KDM4B: variants seen among roughly 807,000 people sequenced by gnomAD.
KDM4B encodes lysine-specific demethylase 4B.
KDM4B carries 32 observed loss-of-function variants against 125.2 expected under a neutral mutation model. That is an observed-to-expected ratio of 0.26 (90% confidence interval 0.19 to 0.34). The LOEUF is 0.34. KDM4B is among the 10% of genes least tolerant of loss of function. The pLI is 1.00. For synonymous variants in KDM4B, 721 were observed against 677.9 expected (o/e 1.06, Z -0.99); for missense variants, 1,190 against 1,577.7 (o/e 0.75, Z 4.16).
intron 2 of KDM4B, among the ~76,000 whole-genome samples, chr19:5,019,081 CTGGTGTGGACGTTGGTGTGCAGGTGT>C (rs2035981802): frequency 4.2e-5 from 3 of 71,110 alleles, no homozygotes; most frequent in African/African-American, 1.3e-4. Context: ...TGTGCAGGTG[CTGGTGTGGACGTTGGTGTGCAGGTGT>C]TGGTGTGGGT....
intron 14 of KDM4B, among the ~76,000 whole-genome samples, 199 bp from the exon 15 acceptor site, chr19:5,135,140 G>A (rs778006567): frequency 6.6e-6 from 1 of 152,226 alleles, no homozygotes; most frequent in African/African-American, 2.4e-5. Context: ...TGGGGACAGG[G>A]TCAGACAGTG....
At chr19:5,086,258 A>C (rs2038492077) in intron 9 of KDM4B, among the ~76,000 whole-genome samples, 2 of 116,296 alleles carry the variant, frequency 1.7e-5, no homozygotes, top group African/African-American at 3.1e-5. Context: ...GTGAAAAGCC[A>C]CCCTCCTGCC....
At chr19:5,138,289 CA>C in intron 18 of KDM4B, 1 of 567,066 alleles carries the variant, frequency 1.8e-6, no homozygotes. Context: ...CAGAAGGCAT[CA>C]AGGGTGGCAG....
In KDM4B at chr19:5,119,044, G is replaced by A. The variant is rs1383877031; in HGVS notation, c.1116-609G>A. 14 of 861,384 alleles carry A rather than the reference G, an allele frequency of 1.6e-5. No individual in the cohort carries two copies. In the Admixed American group the frequency reaches 2.6e-4, roughly 16 times the overall value. The allele number at this position is 861,384 out of a possible 1,614,324, so 53.4% of individuals were successfully genotyped here. On this transcript the variant is annotated intron_variant, in intron 10 of 22. Transcript: ENST00000159111. ...ACCCAGGGAGTTGGGGACAGAGCCA[G>A]GTGGCCAGGACCAGGCGTCCTGGGG...
chr19:5,128,175 C>T (rs541845889), intron 11 of KDM4B, among the ~76,000 whole-genome samples: 25 of 152,236 alleles, frequency 1.6e-4, no homozygotes, highest in African/African-American at 5.5e-4. Context: ...CCCCTGTGTG[C>T]GGAGCTGCCT....
chr19:5,080,412 G>A (rs1005231286), intron 8 of KDM4B, among the ~76,000 whole-genome samples: 43 of 152,342 alleles, frequency 2.8e-4, no homozygotes, highest in African/African-American at 1.0e-3. Context: ...TGAATTCGGC[G>A]TGAGGGGCTT....
chr19:5,057,406 G>A (rs2037445657), intron 6 of KDM4B, among the ~76,000 whole-genome samples: 1 of 152,224 alleles, frequency 6.6e-6, no homozygotes, highest in Admixed American at 6.5e-5. Flanking sequence ...CCCACTGTAT[G>A]GCTGGACTTT....
chr19:5,143,917 T>A (rs2146100974), intron 18 of KDM4B, 50 bp from the exon 19 acceptor site: 1 of 1,436,288 alleles, frequency 7.0e-7, no homozygotes, highest in Non-Finnish European at 9.6e-7. Flanking sequence ...CGTTCCAGGG[T>A]CCCTAGGGAA....
At chr19:5,021,644 T>G (rs1398296839) in intron 2 of KDM4B, among the ~76,000 whole-genome samples, 2 of 150,274 alleles carry the variant, frequency 1.3e-5, no homozygotes, top group East Asian at 3.9e-4. Flanking sequence ...AGGTTTTTTT[T>G]TTTTTTTTTT....
At chr19:4,996,449 C>A (rs197139) in intron 1 of KDM4B, among the ~76,000 whole-genome samples, 57,092 of 151,992 alleles carry the variant, frequency 0.38, 11,582 homozygotes, top group East Asian at 0.72. Flanking sequence ...ATCACAGCTC[C>A]TTGCAGCCTC....
chr19:5,097,409 G>T (rs1349253781), intron 9 of KDM4B, among the ~76,000 whole-genome samples: 1 of 152,118 alleles, frequency 6.6e-6, no homozygotes, highest in Non-Finnish European at 1.5e-5. Flanking sequence ...GCACCACCAT[G>T]CCCAGCTAAT....
At chr19:5,134,156 C>A in intron 14 of KDM4B, 95 bp downstream of exon 14, 1 of 1,224,830 alleles carries the variant, frequency 8.2e-7, no homozygotes. Flanking sequence ...CCCTCTCTCA[C>A]GCAGGGCAGG....
chr19:5,124,341 C>A (rs1364625986), intron 11 of KDM4B, among the ~76,000 whole-genome samples: 2 of 152,208 alleles, frequency 1.3e-5, no homozygotes, highest in Non-Finnish European at 2.9e-5. Context: ...CCGCTGCCAC[C>A]TGTGGGTTCA....
intron 1 of KDM4B, among the ~76,000 whole-genome samples, chr19:4,976,640 C>T (rs1012944198): frequency 2.0e-5 from 3 of 152,230 alleles, no homozygotes; most frequent in Non-Finnish European, 4.4e-5. Flanking sequence ...ATGGGAGGGG[C>T]AGGGGAGTCG....
rs2039237979 is a variant in KDM4B at position 5,115,498 on chromosome 19, C to G, written c.1116-4155C>G. Among the ~76,000 whole-genome samples, 1 of 152,230 alleles carries G rather than the reference C, an allele frequency of 6.6e-6. No homozygotes were observed. The highest frequency in any genetic ancestry group is 1.5e-5 in the Non-Finnish European group (1 of 68,030). On this transcript the variant is annotated intron_variant, in intron 10 of 22. Transcript: ENST00000159111. This position sits in a 1 kb window ranked among gnomAD's most constrained non-coding sequence, Gnocchi z 4.2. ...TGATACTGGGGCTCTCCTAAAGTCACAGGCTCCTGCCCTCAGCAGCCCCTG... is the reference window on the plus strand; with the variant it reads ...TGATACTGGGGCTCTCCTAAAGTCAGAGGCTCCTGCCCTCAGCAGCCCCTG...
intron 1 of KDM4B, among the ~76,000 whole-genome samples, chr19:5,007,650 A>G (rs1194027748): frequency 6.7e-6 from 1 of 148,868 alleles, no homozygotes; most frequent in Middle Eastern, 3.6e-3. Flanking sequence ...GGCTCAAGCG[A>G]TCCTCCCACC....
chr19:5,124,296 C>A (rs542811028), intron 11 of KDM4B, among the ~76,000 whole-genome samples: 1 of 152,036 alleles, frequency 6.6e-6, no homozygotes, highest in Non-Finnish European at 1.5e-5. Flanking sequence ...CCCAGGCCGG[C>A]GCGGTGGGGG....
chr19:5,027,291 C>T (rs901871178), intron 2 of KDM4B, among the ~76,000 whole-genome samples: 9 of 152,330 alleles, frequency 5.9e-5, no homozygotes, highest in African/African-American at 2.2e-4. Context: ...AAGGATGTGT[C>T]TCTCTGTGAC....
intron 2 of KDM4B, among the ~76,000 whole-genome samples, chr19:5,022,596 G>A (rs918940193): frequency 2.0e-5 from 3 of 152,180 alleles, no homozygotes; most frequent in Non-Finnish European, 4.4e-5. Flanking sequence ...CCTCACTTAG[G>A]CCACTGGCCA....
Sources: allele counts gnomAD v4.1 joint callset (sites outside exome capture counted in the v4.1 genomes callset), GRCh38; gene constraint gnomAD v4.1.1; non-coding constraint Gnocchi (gnomAD v3.1); transcripts MANE v1.5; gene names NCBI Gene and HGNC (gene_info 2026-07-23, HGNC 2026-07-21).